The following PITX1 variants were observed in gnomAD, a reference collection of about 807,000 sequenced individuals.
The protein encoded by PITX1 is paired like homeodomain 1, also known as pituitary homeobox 1.
PITX1 carries 5 observed loss-of-function variants against 24.1 expected under a neutral mutation model. The observed-to-expected ratio is 0.21, with a 90% CI of 0.11 to 0.44. PITX1 has a LOEUF of 0.44. Ranked by LOEUF, PITX1 falls within the 20% of genes least tolerant of loss-of-function variation. PITX1 has a pLI of 0.99. For synonymous variants in PITX1, 213 were observed against 208.9 expected (o/e 1.02, Z -0.17); for missense variants, 401 against 455.4 (o/e 0.88, Z 1.09).
At chr5:135,031,175 G>T in intron 2 of PITX1, 101 bp downstream of exon 2, 1 of 855,514 alleles carries the variant, frequency 1.2e-6, no homozygotes. Flanking sequence ...AATGGTGGGA[G>T]AGTGAAGTTC....
chr5:135,029,423 G>C lies in PITX1; in HGVS notation c.403-102C>G, dbSNP rs1279385435. 6 of 930,950 alleles carry C rather than the reference G, an allele frequency of 6.4e-6. No individual in the cohort carries two copies. In the Admixed American group the frequency reaches 7.1e-5, roughly 11 times the overall value. 57.7% of individuals were successfully genotyped at this position (930,950 alleles called of 1,614,324 possible). ...GCCTTCCGTCGGCCCGCTGCCCTCC[G>C]AACGTCGTTTCTCTCCTTCGACCGA... is the stretch of plus-strand genomic sequence containing the variant. On this transcript the variant is annotated intron_variant, in intron 2 of 2. Transcript: ENST00000265340.
In PITX1 at chr5:135,031,297, G is replaced by A; in HGVS notation, c.381C>T (p.Asn127=). ...SMREEIAVWT[N]LTEPRVRVWF... is the part of the protein sequence containing the mutation. ...TCACCCGCACGCGCGGCTCGGTGAGGTTGGTCCACACGGCGATCTCCTCCC... is the reference window on the plus strand; with the variant it reads ...TCACCCGCACGCGCGGCTCGGTGAGATTGGTCCACACGGCGATCTCCTCCC... The change falls in exon 2 of 3, where the codon AAC becomes AAT. Residue 127 remains asparagine, a synonymous_variant. Transcript: ENST00000265340. The A allele has an allele frequency of 1.2e-6, 2 of 1,614,048 alleles. No homozygotes were observed. Among genetic ancestry groups the A allele is most frequent in the Non-Finnish European group, 1.7e-6 (2 of 1,179,898 alleles).
rs981445372 is a variant in PITX1, at chr5:135,033,697, G to C, written c.169+16C>G. 5.6e-6 allele frequency: 9 copies of C among 1,593,868 alleles called. No individual in the cohort carries two copies. Among genetic ancestry groups the C allele is most frequent in the Admixed American group, 1.7e-5 (1 of 59,734 alleles). Reference sequence around the variant, plus strand: ...CGGGTAGGCTCTGTGCGCGCCGCGCGGGGAACGGCGCTTACCTGGCAGCTC... The same window carrying C: ...CGGGTAGGCTCTGTGCGCGCCGCGCCGGGAACGGCGCTTACCTGGCAGCTC... On this transcript the variant is annotated intron_variant, in intron 1 of 2. Transcript: ENST00000265340. This position sits in a 1 kb window ranked among gnomAD's most constrained non-coding sequence, Gnocchi z 5.9.
chr5:135,029,032 G>T lies in PITX1; in HGVS notation c.692C>A (p.Pro231Gln). 6.2e-7 allele frequency: 1 copy of T among 1,614,244 alleles called. No individual in the cohort carries two copies. Among genetic ancestry groups the T allele is most frequent in the Non-Finnish European group, 8.5e-7 (1 of 1,180,046 alleles). Reference protein sequence around the residue: ...SSMTMPSSMGPGAVPGMPNSG... With the variant: ...SSMTMPSSMGQGAVPGMPNSG... The stretch of plus-strand genomic sequence containing the variant: ...GTTGGGCATGCCAGGCACGGCGCCT[G>T]GGCCCATGCTGGACGGCATGGTCAT... The change falls in exon 3 of 3, where the codon CCA (proline) becomes CAA (glutamine). Residue 231 changes from proline to glutamine, a missense_variant. By Grantham distance (76) the Pro-to-Gln change is moderately conservative. This residue lies in a region of PITX1 where 217 missense variants were observed against 219.8 expected (regional missense o/e 0.99). Coordinates refer to ENST00000265340, the MANE Select transcript of PITX1 (RefSeq NM_002653.5).
In PITX1 at chr5:135,028,775, G is replaced by GCGGT; in HGVS notation, c.945_*3dup. Reference sequence around the variant, plus strand: ...CCGCCGGCCCGCGTGGTGCGGCGGGGCGGTCAGCTGTTGTACTGGCACGCG... The same window carrying GCGGT: ...CCGCCGGCCCGCGTGGTGCGGCGGGGCGGTCGGTCAGCTGTTGTACTGGCACGCG... On this transcript the variant is annotated 3_prime_UTR_variant, in exon 3 of 3. Coordinates refer to ENST00000265340, the MANE Select transcript of PITX1 (RefSeq NM_002653.5). The GCGGT allele has an allele frequency of 4.5e-6, 7 of 1,564,050 alleles. No homozygotes were observed. Among genetic ancestry groups the GCGGT allele is most frequent in the Non-Finnish European group, 6.1e-6 (7 of 1,151,678 alleles).
At chr5:135,029,463 C>T (rs1468199296) in intron 2 of PITX1, 142 bp from the exon 3 acceptor site, 2 of 655,292 alleles carry the variant, frequency 3.1e-6, no homozygotes, top group Non-Finnish European at 5.4e-6. Flanking sequence ...TCCGCTCCTG[C>T]ATTCCCTCCA....
chr5:135,034,039 G>A lies in PITX1; in HGVS notation c.-158C>T. 1 of 279,014 alleles carries A rather than the reference G, an allele frequency of 3.6e-6. No homozygotes were observed. The highest frequency in any genetic ancestry group is 6.2e-6 in the Non-Finnish European group (1 of 160,534). The allele number at this position is 279,014 out of a possible 1,614,324, so 17.3% of individuals were successfully genotyped here. On this transcript the variant is annotated 5_prime_UTR_variant, in exon 1 of 3. Coordinates refer to ENST00000265340, the MANE Select transcript of PITX1 (RefSeq NM_002653.5). ...GCCGTGCCCGCCCCATGGACCGCCC[G>A]GGGCTGCGGCGCCGGGCGGGCAGAG...
chr5:135,032,511 GA>G (rs1752472074), intron 1 of PITX1, among the ~76,000 whole-genome samples: 1 of 152,184 alleles, frequency 6.6e-6, no homozygotes, highest in South Asian at 2.1e-4. Flanking sequence ...TGGATTTTGA[GA>G]AAATTCCGGA....
Position 135,033,256 on chromosome 5 carries a change from CT to C in PITX1, c.169+456del, listed in dbSNP as rs1752494415. 1 of 296,666 alleles carries C rather than the reference CT, an allele frequency of 3.4e-6. No individual in the cohort carries two copies. The highest frequency in any genetic ancestry group is 6.5e-6 in the Non-Finnish European group (1 of 152,930). The allele number at this position is 296,666 out of a possible 1,614,324, so 18.4% of individuals were successfully genotyped here. ...CCCCGTTTACCCTTCCCGCCCGCCC[CT>C]TCTCTTTGGTCTCTTTCATTCTGTC... On this transcript the variant is annotated intron_variant, in intron 1 of 2. Coordinates refer to ENST00000265340, the MANE Select transcript of PITX1 (RefSeq NM_002653.5). This position sits in a 1 kb window ranked among gnomAD's most constrained non-coding sequence, Gnocchi z 5.9.
At chr5:135,030,087 C>G (rs996347388) in intron 2 of PITX1, among the ~76,000 whole-genome samples, 5 of 152,132 alleles carry the variant, frequency 3.3e-5, no homozygotes, top group African/African-American at 9.7e-5. Flanking sequence ...TAAATTTTTT[C>G]TATTCTTACT....
In PITX1 at chr5:135,031,525, G is replaced by A; in HGVS notation, c.170-17C>T. The A allele has an allele frequency of 2.5e-6, 4 of 1,593,570 alleles. No homozygotes were observed. The highest frequency in any genetic ancestry group is 2.3e-5 in the East Asian group (1 of 44,434). On this transcript the variant is annotated splice_polypyrimidine_tract_variant and intron_variant, in intron 1 of 2. Coordinates refer to ENST00000265340, the MANE Select transcript of PITX1 (RefSeq NM_002653.5). ...GCTCCTTCTCTGCAGTAGGCAGGAC[G>A]GGGAGCGGGTCACCTGGGCTTACGC...
At chr5:135,031,144 TGGAG>T in intron 2 of PITX1, 128 bp downstream of exon 2, 1 of 715,470 alleles carries the variant, frequency 1.4e-6, no homozygotes, top group Non-Finnish European at 2.4e-6. Context: ...GGATCTCCGG[TGGAG>T]GGAGGGAGCA....
intron 2 of PITX1, among the ~76,000 whole-genome samples, 160 bp from the exon 3 acceptor site, chr5:135,029,481 TC>T (rs1752413151): frequency 6.6e-6 from 1 of 152,254 alleles, no homozygotes; most frequent in Non-Finnish European, 1.5e-5. Flanking sequence ...CCACAATGGT[TC>T]CTTTCCTGTC....
In PITX1 at chr5:135,029,400, C is replaced by T. The variant is rs908230478; in HGVS notation, c.403-79G>A. The T allele has an allele frequency of 4.0e-6, 5 of 1,245,590 alleles. No homozygotes were observed. The Admixed American group carries it at 1.1e-4, about 29-fold the overall frequency. 77.2% of individuals were successfully genotyped at this position (1,245,590 alleles called of 1,614,324 possible). A position where few individuals can be genotyped will look rare whatever the true frequency, so the allele number is the denominator to read the frequency against. On this transcript the variant is annotated intron_variant, in intron 2 of 2. Transcript: ENST00000265340. ...CACCCCCTTCCCCACCGCCTGGAGC[C>T]TTCCGTCGGCCCGCTGCCCTCCGAA... is the stretch of plus-strand genomic sequence containing the variant.
intron 1 of PITX1, chr5:135,031,806 G>A (rs1752456518): frequency 1.9e-6 from 1 of 528,930 alleles, no homozygotes; most frequent in Non-Finnish European, 3.3e-6. Flanking sequence ...CCCTGCTGCT[G>A]ATGTTCCCAG....
Position 135,033,017 on chromosome 5 carries a change from A to C in PITX1, c.169+696T>G, listed in dbSNP as rs1167886699. The C allele has an allele frequency of 2.3e-6, 1 of 434,656 alleles. No homozygotes were observed. The highest frequency in any genetic ancestry group is 2.5e-5 in the Admixed American group (1 of 40,746). The allele number at this position is 434,656 out of a possible 1,614,324, so 26.9% of individuals were successfully genotyped here. A position where few individuals can be genotyped will look rare whatever the true frequency, so the allele number is the denominator to read the frequency against. On this transcript the variant is annotated intron_variant, in intron 1 of 2. Coordinates refer to ENST00000265340, the MANE Select transcript of PITX1 (RefSeq NM_002653.5). The surrounding 1 kb of genome is among the most constrained non-coding windows in gnomAD (Gnocchi z 5.9). Reference sequence around the variant, plus strand: ...CGGGCCCAGTTCGCTGCTGGAAAAAAGCTCCAGCTCGGACAAAAAAAGGCA... The same window carrying C: ...CGGGCCCAGTTCGCTGCTGGAAAAACGCTCCAGCTCGGACAAAAAAAGGCA...
At position 135,034,104 on chromosome 5, in the gene PITX1, C is replaced by G. The variant is rs929748491; in HGVS notation, c.-223G>C. ...TCGCGACTGGGCGCCTGGCTCAGCG[C>G]TCCGCGCTGCGCTCCTGCCGCTCGG... is the stretch of plus-strand genomic sequence containing the variant. On this transcript the variant is annotated 5_prime_UTR_variant, in exon 1 of 3. Coordinates refer to ENST00000265340, the MANE Select transcript of PITX1 (RefSeq NM_002653.5). The G allele has an allele frequency of 6.1e-6, 1 of 164,548 alleles. No individual in the cohort carries two copies. The highest frequency in any genetic ancestry group is 2.4e-5 in the African/African-American group (1 of 41,478). 10.2% of individuals were successfully genotyped at this position (164,548 alleles called of 1,614,324 possible).
At chr5:135,032,528 G>T (rs1470525532) in intron 1 of PITX1, among the ~76,000 whole-genome samples, 1 of 152,058 alleles carries the variant, frequency 6.6e-6, no homozygotes, top group Non-Finnish European at 1.5e-5. Context: ...CCGGAGAAAC[G>T]CGCCATTTTG....
chr5:135,030,721 G>A (rs1752432729), intron 2 of PITX1, among the ~76,000 whole-genome samples: 1 of 152,200 alleles, frequency 6.6e-6, no homozygotes, highest in Admixed American at 6.5e-5. Flanking sequence ...AAGGCAAAGG[G>A]TCCTACTGAT....
Sources: allele counts gnomAD v4.1 joint callset (sites outside exome capture counted in the v4.1 genomes callset), GRCh38; gene constraint gnomAD v4.1.1; regional missense constraint gnomAD v4.1.1; non-coding constraint Gnocchi (gnomAD v3.1); transcripts MANE v1.5; gene names NCBI Gene and HGNC (gene_info 2026-07-23, HGNC 2026-07-21).